Variants in TMEM161B observed in about 807,000 individuals in gnomAD.
TMEM161B encodes transmembrane protein 161B.
TMEM161B carries 34 observed loss-of-function variants against 61.8 expected under a neutral mutation model. The ratio of observed to expected loss-of-function variants is 0.55; its 90% CI spans 0.42 to 0.73. TMEM161B has a LOEUF of 0.73. Ranked by LOEUF, TMEM161B falls within the 30% of genes least tolerant of loss-of-function variation. The pLI is 0.00. For synonymous variants in TMEM161B, 167 were observed against 192.8 expected, an observed-to-expected ratio of 0.87 and a Z score of 1.11; for missense variants, 456 against 558.5, an observed-to-expected ratio of 0.82 and a Z score of 1.85.
intron 2 of TMEM161B, among the ~76,000 whole-genome samples, chr5:88,234,266 T>C (rs981127582): frequency 1.3e-5 from 2 of 152,164 alleles, no homozygotes; most frequent in African/African-American, 4.8e-5. Context: ...GGTTTGGTAG[T>C]ATACAGATGA....
intron 2 of TMEM161B, among the ~76,000 whole-genome samples, chr5:88,231,039 C>G (rs372519622): frequency 5.3e-5 from 8 of 152,286 alleles, no homozygotes; most frequent in African/African-American, 1.9e-4. Flanking sequence ...CAAAAAAACT[C>G]TGGACTTCAA....
intron 5 of TMEM161B, among the ~76,000 whole-genome samples, chr5:88,217,500 T>A (rs1399183994): frequency 1.4e-5 from 2 of 147,414 alleles, no homozygotes; most frequent in African/African-American, 5.1e-5. Flanking sequence ...ATTGGTTAGA[T>A]GACAAATAAT....
intron 2 of TMEM161B, 40 bp downstream of exon 2, chr5:88,240,773 A>G: frequency 7.0e-7 from 1 of 1,421,810 alleles, no homozygotes; most frequent in Non-Finnish European, 9.9e-7. Context: ...TAAACTAGAG[A>G]TTGAAAGTGT....
chr5:88,254,752 GA>G (rs1754754752), intron 1 of TMEM161B, among the ~76,000 whole-genome samples: 1 of 151,770 alleles, frequency 6.6e-6, no homozygotes, highest in Non-Finnish European at 1.5e-5. Context: ...TGAGGTGAGA[GA>G]ATCACTTTAG....
chr5:88,187,326 T>C (rs1194026897), downstream of TMEM161B, among the ~76,000 whole-genome samples: 1 of 152,258 alleles, frequency 6.6e-6, no homozygotes, highest in Admixed American at 6.5e-5. Flanking sequence ...TACATTTCCA[T>C]ATAAATTTAA....
At chr5:88,268,681 GC>G (rs1756757108) in intron 1 of TMEM161B, 39 bp downstream of exon 1, 2 of 1,613,690 alleles carry the variant, frequency 1.2e-6, no homozygotes, top group African/African-American at 1.3e-5. Context: ...CGCCCTTTTC[GC>G]CCCACCGTTG....
intron 1 of TMEM161B, among the ~76,000 whole-genome samples, chr5:88,257,841 T>G (rs1755168707): frequency 6.6e-6 from 1 of 152,220 alleles, no homozygotes; most frequent in Admixed American, 6.5e-5. Flanking sequence ...CCCATCATAT[T>G]CACCTCAATT....
chr5:88,230,702 C>T (rs1750845274), intron 2 of TMEM161B, among the ~76,000 whole-genome samples: 1 of 152,160 alleles, frequency 6.6e-6, no homozygotes, highest in African/African-American at 2.4e-5. Flanking sequence ...TTGGCAAACT[C>T]TTATCTCCTA....
chr5:88,227,965 C>T (rs1478870870), intron 3 of TMEM161B, among the ~76,000 whole-genome samples: 1 of 152,158 alleles, frequency 6.6e-6, no homozygotes, highest in Non-Finnish European at 1.5e-5. Flanking sequence ...TAGTTCTCTT[C>T]ATAAACTTTA....
chr5:88,207,570 C>T (rs78651477), intron 5 of TMEM161B, among the ~76,000 whole-genome samples: 6,625 of 152,252 alleles, frequency 0.044, 177 homozygotes, highest in Non-Finnish European at 0.065. Flanking sequence ...GAGAATTTTA[C>T]TAGTAGCTAT....
rs62369788 is a variant in TMEM161B at position 88,251,885 on chromosome 5, T to C, written c.4-10969A>G. Among the ~76,000 whole-genome samples, 658 of 152,286 alleles carry C rather than the reference T, an allele frequency of 4.3e-3. 1 individual carries two copies. The highest frequency in any genetic ancestry group is 7.3e-3 in the Non-Finnish European group (496 of 68,018). ...ACAAAGATGTTTGTGTTCACTGTTA[T>C]ATCCCAAACACTTAGAGCAATGTCA... On this transcript the variant is annotated intron_variant, in intron 1 of 11. Transcript: ENST00000296595.
intron 1 of TMEM161B, among the ~76,000 whole-genome samples, chr5:88,251,745 C>T (rs114764811): frequency 0.013 from 2,029 of 152,142 alleles, 15 homozygotes; most frequent in Non-Finnish European, 0.018. Context: ...CAAATTATGT[C>T]GCCACAGAAA....
intron 5 of TMEM161B, among the ~76,000 whole-genome samples, chr5:88,215,709 C>T (rs1021105546): frequency 1.3e-5 from 2 of 152,152 alleles, no homozygotes; most frequent in Admixed American, 1.3e-4. Context: ...TTACTTAAAA[C>T]GAAGCAAAGT....
At chr5:88,261,540 AG>A (rs1447380619) in intron 1 of TMEM161B, among the ~76,000 whole-genome samples, 2 of 152,080 alleles carry the variant, frequency 1.3e-5, no homozygotes, top group Non-Finnish European at 2.9e-5. Flanking sequence ...CTAGAAAGCT[AG>A]AATAATCAAG....
At chr5:88,192,066 A>G (rs1372048839), downstream of TMEM161B, among the ~76,000 whole-genome samples, 1 of 17,160 alleles carries the variant, frequency 5.8e-5, no homozygotes, top group East Asian at 4.0e-3. Context: ...CATTTTAAAG[A>G]TGCAAAAAAA....
intron 2 of TMEM161B, among the ~76,000 whole-genome samples, chr5:88,238,869 A>AAAAAC (rs1256377989): frequency 6.6e-6 from 1 of 152,070 alleles, no homozygotes; most frequent in Admixed American, 6.6e-5. Context: ...AGATAATCTT[A>AAAAAC]AAAACAAAAC....
rs1748620183 is a variant in TMEM161B, at chr5:88,189,992, A to T, written c.*60T>A. 5 of 690,108 alleles carry T rather than the reference A, an allele frequency of 7.2e-6. No individual in the cohort carries two copies. In the East Asian group the frequency reaches 1.3e-4, roughly 19 times the overall value. The allele number at this position is 690,108 out of a possible 1,614,324, so 42.7% of individuals were successfully genotyped here. A position where few individuals can be genotyped will look rare whatever the true frequency, so the allele number is the denominator to read the frequency against. On this transcript the variant is annotated 3_prime_UTR_variant, in exon 13 of 13. Transcript: ENST00000514135. Reference sequence around the variant, plus strand: ...CCGTCTTCTGTACCAAGTCAGCCACAAACGCCAGCCCATTATCTGAGCCGA... The same window carrying T: ...CCGTCTTCTGTACCAAGTCAGCCACTAACGCCAGCCCATTATCTGAGCCGA...
chr5:88,223,535 T>G (rs1749406424), intron 4 of TMEM161B, among the ~76,000 whole-genome samples: 1 of 152,174 alleles, frequency 6.6e-6, no homozygotes, highest in Admixed American at 6.5e-5. Flanking sequence ...CTTTAAATGT[T>G]TTAAATGTTG....
At chr5:88,190,661 C>T (rs1748721238), downstream of TMEM161B, among the ~76,000 whole-genome samples, 1 of 152,186 alleles carries the variant, frequency 6.6e-6, no homozygotes, top group Non-Finnish European at 1.5e-5. Context: ...CAATGCATAA[C>T]TGCCACCTTG....
Sources: allele counts gnomAD v4.1 joint callset (sites outside exome capture counted in the v4.1 genomes callset), GRCh38; gene constraint gnomAD v4.1.1; transcripts MANE v1.5; gene names NCBI Gene and HGNC (gene_info 2026-07-23, HGNC 2026-07-21).